CACNA2D3: variants seen among roughly 807,000 people sequenced by gnomAD.
CACNA2D3 encodes voltage-dependent calcium channel subunit alpha-2/delta-3.
A neutral mutation model predicts 160.6 loss-of-function variants in CACNA2D3; 60 were observed. The ratio of observed to expected loss-of-function variants is 0.37; its 90% CI spans 0.30 to 0.46. CACNA2D3 has a LOEUF of 0.46. Among genes scored for constraint, CACNA2D3 ranks in the 20% least tolerant of loss-of-function variants. The pLI, the probability that CACNA2D3 is intolerant of heterozygous loss-of-function variation, is 1.00. For missense variants in CACNA2D3, 1,205 were observed against 1,365.0 expected, an observed-to-expected ratio of 0.88 and a Z score of 1.85; for synonymous variants, 558 against 492.9, an observed-to-expected ratio of 1.13 and a Z score of -1.75.
At chr3:54,872,495 A>G (rs527637105) in intron 18 of CACNA2D3, among the ~76,000 whole-genome samples, 2 of 152,018 alleles carry the variant, frequency 1.3e-5, no homozygotes, top group African/African-American at 4.8e-5. Context: ...CGTTGTTTCC[A>G]TCTCTCACTG....
chr3:54,689,420 T>C (rs74982374), intron 11 of CACNA2D3, among the ~76,000 whole-genome samples: 7 of 152,244 alleles, frequency 4.6e-5, no homozygotes, highest in African/African-American at 1.7e-4. Context: ...AGCCCCCAGA[T>C]GTGTATCTCC....
At chr3:54,484,557 G>A (rs1700985283) in intron 4 of CACNA2D3, among the ~76,000 whole-genome samples, 1 of 152,164 alleles carries the variant, frequency 6.6e-6, no homozygotes, top group African/African-American at 2.4e-5. Context: ...TTAACATCCT[G>A]TGAGAAACGT....
chr3:54,287,925 CA>C (rs929041710), intron 2 of CACNA2D3, among the ~76,000 whole-genome samples: 5 of 149,542 alleles, frequency 3.3e-5, no homozygotes, highest in African/African-American at 1.2e-4. Context: ...GCATTCAGAG[CA>C]GTGTGTAGAG....
chr3:54,671,323 G>A (rs769544434), intron 11 of CACNA2D3, among the ~76,000 whole-genome samples: 5 of 151,986 alleles, frequency 3.3e-5, no homozygotes, highest in Non-Finnish European at 7.4e-5. Flanking sequence ...CAGGGCTGAA[G>A]GGGAGCTTCA....
At chr3:54,997,619 A>G (rs1472996096) in intron 31 of CACNA2D3, among the ~76,000 whole-genome samples, 1 of 150,222 alleles carries the variant, frequency 6.7e-6, no homozygotes, top group East Asian at 2.0e-4. Flanking sequence ...CTAGCTATCC[A>G]GGAGGCTGAG....
At chr3:54,661,120 G>A (rs535319154) in intron 11 of CACNA2D3, among the ~76,000 whole-genome samples, 140 of 152,270 alleles carry the variant, frequency 9.2e-4, no homozygotes, top group Middle Eastern at 6.8e-3. Context: ...CAAATGGCCA[G>A]GAAGGCTTCT....
At chr3:54,281,104 TC>T (rs1251411134) in intron 2 of CACNA2D3, among the ~76,000 whole-genome samples, 1 of 152,150 alleles carries the variant, frequency 6.6e-6, no homozygotes, top group Non-Finnish European at 1.5e-5. Flanking sequence ...AGGCCCTGGC[TC>T]CTAAACAACC....
intron 14 of CACNA2D3, among the ~76,000 whole-genome samples, chr3:54,827,443 C>G (rs753044100): frequency 2.3e-4 from 35 of 152,238 alleles, no homozygotes; most frequent in Non-Finnish European, 4.9e-4. Flanking sequence ...GTAACCTTCT[C>G]CAGCATGTTA....
At chr3:55,021,133 T>TG in intron 35 of CACNA2D3, among the ~76,000 whole-genome samples, 1 of 152,290 alleles carries the variant, frequency 6.6e-6, no homozygotes, top group South Asian at 2.1e-4. Flanking sequence ...GATTTGTATG[T>TG]GTGTGTTTTT....
At chr3:54,598,307 CAAAAAAAAAAAA>C (rs10656534) in intron 9 of CACNA2D3, among the ~76,000 whole-genome samples, 52 of 49,854 alleles carry the variant, frequency 1.0e-3, no homozygotes, top group Non-Finnish European at 1.5e-3. Context: ...CTCCGTCTCA[CAAAAAAAAAAAA>C]AAAAAAAAAA....
At chr3:54,528,912 C>T (rs1252648135) in intron 5 of CACNA2D3, among the ~76,000 whole-genome samples, 1 of 152,178 alleles carries the variant, frequency 6.6e-6, no homozygotes, top group East Asian at 1.9e-4. Flanking sequence ...TTAAGTGGCA[C>T]GATCCCATGT....
chr3:54,847,732 C>G (rs185008479), intron 17 of CACNA2D3, among the ~76,000 whole-genome samples: 1 of 152,276 alleles, frequency 6.6e-6, no homozygotes, highest in East Asian at 1.9e-4. Context: ...ATTGAAAAGT[C>G]TGATTGAAAA....
intron 2 of CACNA2D3, among the ~76,000 whole-genome samples, chr3:54,206,556 C>A (rs967015367): frequency 2.0e-5 from 3 of 152,180 alleles, no homozygotes; most frequent in African/African-American, 7.2e-5. Context: ...AACAGTGAAA[C>A]CCTGCCGCGA....
chr3:54,152,873 C>A (rs1700176993), intron 2 of CACNA2D3, among the ~76,000 whole-genome samples: 1 of 152,198 alleles, frequency 6.6e-6, no homozygotes, highest in African/African-American at 2.4e-5. Context: ...GCCCCTCTTG[C>A]TTCTTGAACT....
At chr3:54,392,686 A>G (rs1375550197) in intron 4 of CACNA2D3, among the ~76,000 whole-genome samples, 1 of 152,038 alleles carries the variant, frequency 6.6e-6, no homozygotes, top group African/African-American at 2.4e-5. Flanking sequence ...TGGAGGGGGA[A>G]TAAAGACTGT....
At chr3:54,328,180 G>T (rs1704160455) in intron 3 of CACNA2D3, among the ~76,000 whole-genome samples, 1 of 152,218 alleles carries the variant, frequency 6.6e-6, no homozygotes, top group Non-Finnish European at 1.5e-5. Context: ...CACCTGTGTG[G>T]TTGGAGGGGA....
At chr3:54,375,770 T>C (rs1699002154) in intron 3 of CACNA2D3, among the ~76,000 whole-genome samples, 3 of 152,058 alleles carry the variant, frequency 2.0e-5, no homozygotes, top group Admixed American at 2.0e-4. Flanking sequence ...AGAAAAAGAA[T>C]GGGATCCAGG....
At chr3:54,599,804 G>A (rs1338403518) in intron 9 of CACNA2D3, among the ~76,000 whole-genome samples, 8 of 152,162 alleles carry the variant, frequency 5.3e-5, no homozygotes, top group Non-Finnish European at 1.0e-4. Flanking sequence ...TTAGTGCCGC[G>A]TGGCTTCACT....
At chr3:55,007,160 A>T (rs758013673) in intron 32 of CACNA2D3, among the ~76,000 whole-genome samples, 3 of 152,226 alleles carry the variant, frequency 2.0e-5, no homozygotes, top group Non-Finnish European at 4.4e-5. Context: ...TTTAATTAAA[A>T]TATTCTGAAA....
Sources: allele counts gnomAD v4.1 joint callset (sites outside exome capture counted in the v4.1 genomes callset), GRCh38; gene constraint gnomAD v4.1.1; transcripts MANE v1.5; gene names NCBI Gene and HGNC (gene_info 2026-07-23, HGNC 2026-07-21).